GXYLT2: variants seen among roughly 807,000 people sequenced by gnomAD.
GXYLT2 encodes the protein glycosyltransferase 8 domain containing 4.
GXYLT2 carries 53 observed loss-of-function variants against 45.8 expected under a neutral mutation model. The ratio of observed to expected loss-of-function variants is 1.16; its 90% CI spans 0.93 to 1.46. The LOEUF is 1.46. GXYLT2 is among the 40% of genes most tolerant of loss of function. The pLI, the probability that GXYLT2 is intolerant of heterozygous loss-of-function variation, is 0.00. For synonymous variants in GXYLT2, 219 were observed against 214.2 expected (o/e 1.02, Z -0.19); for missense variants, 551 against 544.4 (o/e 1.01, Z -0.12).
intron 1 of GXYLT2, among the ~76,000 whole-genome samples, chr3:72,898,830 A>C (rs13076997): frequency 0.29 from 44,266 of 151,680 alleles, 6,872 homozygotes; most frequent in Non-Finnish European, 0.34. Flanking sequence ...CTTCCGGGTT[A>C]AAGTGATTCT....
intron 5 of GXYLT2, among the ~76,000 whole-genome samples, chr3:72,957,651 G>T (rs1407734074): frequency 6.6e-6 from 1 of 152,162 alleles, no homozygotes; most frequent in African/African-American, 2.4e-5. Flanking sequence ...TTGATGTGAG[G>T]CGTGAAACTA....
At chr3:72,934,508 T>C (rs1356215889) in intron 3 of GXYLT2, among the ~76,000 whole-genome samples, 1 of 152,128 alleles carries the variant, frequency 6.6e-6, no homozygotes, top group East Asian at 1.9e-4. Context: ...GCAAATGATA[T>C]ATATGGCAAA....
chr3:72,917,222 C>A (rs767994870), intron 2 of GXYLT2, among the ~76,000 whole-genome samples: 1 of 152,054 alleles, frequency 6.6e-6, no homozygotes, highest in Non-Finnish European at 1.5e-5. Flanking sequence ...ATGCCGAGAG[C>A]TAAGGGAGCC....
intron 5 of GXYLT2, among the ~76,000 whole-genome samples, chr3:72,958,629 CTT>C (rs760548760): frequency 0.015 from 1,576 of 108,684 alleles, 16 homozygotes; most frequent in African/African-American, 0.052. Flanking sequence ...TCACTTGTGG[CTT>C]TTTTTTTTTT....
intron 5 of GXYLT2, among the ~76,000 whole-genome samples, chr3:72,959,666 GCT>G (rs1456483330): frequency 6.6e-6 from 1 of 151,644 alleles, no homozygotes; most frequent in Non-Finnish European, 1.5e-5. Flanking sequence ...ATGGAATCTG[GCT>G]CTGTCACCCA....
intron 3 of GXYLT2, among the ~76,000 whole-genome samples, chr3:72,932,451 T>G (rs898481410): frequency 3.3e-5 from 5 of 152,234 alleles, no homozygotes; most frequent in Non-Finnish European, 7.3e-5. Flanking sequence ...TGGTGTCATA[T>G]CTAAGAAACC....
At chr3:72,888,695 G>C (rs1176596219) in intron 1 of GXYLT2, among the ~76,000 whole-genome samples, 187 bp downstream of exon 1, 2 of 152,152 alleles carry the variant, frequency 1.3e-5, no homozygotes, top group Non-Finnish European at 2.9e-5. Flanking sequence ...CTAACAGCTC[G>C]GTGTTGATAA....
intron 3 of GXYLT2, among the ~76,000 whole-genome samples, chr3:72,953,830 A>G (rs923665865): frequency 1.3e-5 from 2 of 152,166 alleles, no homozygotes; most frequent in Non-Finnish European, 2.9e-5. Context: ...ACAGTGACTC[A>G]CACCTGTGAT....
chr3:72,967,732 T>A lies in GXYLT2; in HGVS notation c.1149+13T>A. ...AGCAATACGGGATGTAAGTGTGCCCTTGCTGCTGTTAGCAGATGTGCTTAT... is the reference window on the plus strand; with the variant it reads ...AGCAATACGGGATGTAAGTGTGCCCATGCTGCTGTTAGCAGATGTGCTTAT... On this transcript the variant is annotated intron_variant, in intron 6 of 6. Coordinates refer to ENST00000389617, the MANE Select transcript of GXYLT2 (RefSeq NM_001080393.2). The A allele has an allele frequency of 6.2e-7, 1 of 1,611,924 alleles. No homozygotes were observed. Among genetic ancestry groups the A allele is most frequent in the Non-Finnish European group, 8.5e-7 (1 of 1,178,578 alleles).
chr3:72,908,133 A>G (rs1201759326), intron 1 of GXYLT2: 1 of 397,636 alleles, frequency 2.5e-6, no homozygotes, highest in Admixed American at 4.2e-5. Flanking sequence ...AAAGCCTCAG[A>G]CACCTATAGC....
intron 2 of GXYLT2, among the ~76,000 whole-genome samples, chr3:72,917,099 T>A (rs1439865542): frequency 6.6e-6 from 1 of 151,874 alleles, no homozygotes; most frequent in Non-Finnish European, 1.5e-5. Context: ...TGGCAAGGAT[T>A]TTTTTGTTTT....
At chr3:72,941,636 A>T (rs182593092) in intron 3 of GXYLT2, among the ~76,000 whole-genome samples, 1 of 152,212 alleles carries the variant, frequency 6.6e-6, no homozygotes, top group East Asian at 1.9e-4. Context: ...TTAACAAATT[A>T]TTTCTCACAG....
chr3:72,898,866 G>A (rs1205748176), intron 1 of GXYLT2, among the ~76,000 whole-genome samples: 3 of 152,130 alleles, frequency 2.0e-5, no homozygotes, highest in Non-Finnish European at 4.4e-5. Context: ...TGAGGAGCTA[G>A]GACTACAGGC....
chr3:72,957,434 A>G, intron 5 of GXYLT2, 82 bp downstream of exon 5: 5 of 1,396,074 alleles, frequency 3.6e-6, no homozygotes, highest in South Asian at 2.7e-5. Flanking sequence ...CCGGGTTGCT[A>G]TTGACTAGGC....
chr3:72,911,147 C>T (rs546083626), intron 2 of GXYLT2, among the ~76,000 whole-genome samples: 1 of 152,158 alleles, frequency 6.6e-6, no homozygotes, highest in South Asian at 2.1e-4. Context: ...CAAAAATTAG[C>T]TGGGTGTAGT....
chr3:72,919,910 G>T (rs903643527), intron 2 of GXYLT2, among the ~76,000 whole-genome samples: 5 of 152,120 alleles, frequency 3.3e-5, no homozygotes, highest in Non-Finnish European at 7.4e-5. Context: ...ACAACAGAAA[G>T]AATTAACACT....
intron 2 of GXYLT2, among the ~76,000 whole-genome samples, chr3:72,919,073 C>G (rs1709786595): frequency 6.6e-6 from 1 of 152,150 alleles, no homozygotes; most frequent in South Asian, 2.1e-4. Flanking sequence ...GACGGTTTGG[C>G]AGTTTCTTAG....
chr3:72,938,698 A>G (rs1710237653), intron 3 of GXYLT2, among the ~76,000 whole-genome samples: 1 of 152,220 alleles, frequency 6.6e-6, no homozygotes, highest in Non-Finnish European at 1.5e-5. Flanking sequence ...CATCTTAGAG[A>G]GCCATTATCT....
At chr3:72,906,005 A>G (rs1413638416) in intron 1 of GXYLT2, among the ~76,000 whole-genome samples, 2 of 152,152 alleles carry the variant, frequency 1.3e-5, no homozygotes, top group Non-Finnish European at 2.9e-5. Context: ...GATTGCCTTT[A>G]TGGTGTTAGT....
Sources: gnomAD v4.1 joint callset for allele counts (sites outside exome capture counted in the v4.1 genomes callset) on GRCh38, gnomAD v4.1.1 for gene constraint, MANE v1.5 for transcripts, NCBI Gene and HGNC (gene_info 2026-07-23, HGNC 2026-07-21) for gene names.